The following ZNF732 variants were observed in gnomAD, a reference collection of about 807,000 sequenced individuals.
ZNF732 encodes zinc finger protein 732.
A neutral mutation model predicts 11.5 loss-of-function variants in ZNF732; 12 were observed. The ratio of observed to expected loss-of-function variants is 1.05; its 90% CI spans 0.67 to 1.70. ZNF732 has a LOEUF of 1.70. Among genes scored for constraint, ZNF732 ranks in the 40% most tolerant of loss-of-function variants. The pLI is 0.00. For synonymous variants in ZNF732, 231 were observed against 236.5 expected (o/e 0.98, Z 0.21); for missense variants, 702 against 676.9 (o/e 1.04, Z -0.41).
intron 3 of ZNF732, among the ~76,000 whole-genome samples, chr4:278,270 C>T (rs571155529): frequency 1.3e-5 from 2 of 152,278 alleles, no homozygotes; most frequent in Non-Finnish European, 2.9e-5. Flanking sequence ...CATGGTACCA[C>T]ATCACTGTAT....
rs896135504 is a variant in ZNF732 at position 299,373 on chromosome 4, A to C, written c.4-3218T>G. 1.7e-4 allele frequency among the ~76,000 whole-genome samples: 9 copies of C among 54,050 alleles called. 1 individual carries two copies. The highest frequency in any genetic ancestry group is 5.6e-4 in the African/African-American group (8 of 14,364). The allele number at this position is 54,050 out of a possible 152,430, so 35.5% of individuals were successfully genotyped here. ...TATACACATATATACACATATGTGT[A>C]TATATATATACACATATGTACACAT... On this transcript the variant is annotated intron_variant, in intron 1 of 3. Coordinates refer to ENST00000419098, the MANE Select transcript of ZNF732 (RefSeq NM_001137608.3).
intron 3 of ZNF732, among the ~76,000 whole-genome samples, chr4:285,389 T>C (rs782384523): frequency 7.2e-5 from 11 of 152,122 alleles, no homozygotes; most frequent in Non-Finnish European, 1.3e-4. Flanking sequence ...CTGGTGCAGA[T>C]TGAAGATCTG....
Position 271,524 on chromosome 4 carries a change from G to A in ZNF732, c.1333C>T (p.Pro445Ser), listed in dbSNP as rs782236186. The stretch of plus-strand genomic sequence containing the variant: ...TTGCCACACTCTTCACATTTGTAAG[G>A]TTTCTCTCCAGTATGAATTATCTTA... Reference protein sequence around the residue: ...KHKIIHTGEKPYKCEECGKAF... With the variant: ...KHKIIHTGEKSYKCEECGKAF... Residue 445 changes from proline to serine, a missense_variant, in exon 4 of 4, where the codon CCT (proline) becomes TCT (serine). Around this residue, in one of 3 missense-constraint regions of ZNF732, gnomAD observed 596 missense variants for 557.9 expected, o/e 1.07. Coordinates refer to ENST00000419098, the MANE Select transcript of ZNF732 (RefSeq NM_001137608.3). 4.3e-6 allele frequency: 7 copies of A among 1,611,314 alleles called. No homozygotes were observed. Among genetic ancestry groups the A allele is most frequent in the African/African-American group, 2.7e-5 (2 of 74,810 alleles).
At chr4:276,076 T>C (rs953503309) in intron 3 of ZNF732, among the ~76,000 whole-genome samples, 2 of 151,774 alleles carry the variant, frequency 1.3e-5, no homozygotes, top group Admixed American at 6.6e-5. Context: ...GGTATGAGTT[T>C]TGGAAATTAT....
chr4:283,996 C>T (rs1230001245), intron 3 of ZNF732, among the ~76,000 whole-genome samples: 5 of 152,030 alleles, frequency 3.3e-5, no homozygotes, highest in African/African-American at 1.2e-4. Context: ...CTGCAAGTTC[C>T]GCCTCCAGGG....
At chr4:301,533 C>G (rs1025965255) in intron 1 of ZNF732, among the ~76,000 whole-genome samples, 1 of 152,212 alleles carries the variant, frequency 6.6e-6, no homozygotes, top group Non-Finnish European at 1.5e-5. Flanking sequence ...GAATACTATG[C>G]AGCCATAAAA....
At position 299,408 on chromosome 4, in the gene ZNF732, T is replaced by TATATACAC. The variant is rs1553843129; in HGVS notation, c.4-3254_4-3253insGTGTATAT. ...ACACATATGTACACATATGTGTATA[T>TATATACAC]ATATATACACATATATACACATATG... is the stretch of plus-strand genomic sequence containing the variant. On this transcript the variant is annotated intron_variant, in intron 1 of 3. Coordinates refer to ENST00000419098, the MANE Select transcript of ZNF732 (RefSeq NM_001137608.3). 6.9e-3 allele frequency among the ~76,000 whole-genome samples: 464 copies of TATATACAC among 67,534 alleles called. 46 individuals are homozygous for TATATACAC. Among genetic ancestry groups the TATATACAC allele is most frequent in the Middle Eastern group, 0.017 (3 of 174 alleles). The allele number at this position is 67,534 out of a possible 152,430, so 44.3% of individuals were successfully genotyped here. A position where few individuals can be genotyped will look rare whatever the true frequency, so the allele number is the denominator to read the frequency against.
At chr4:295,937 A>G (rs1369583148) in intron 2 of ZNF732, 92 bp downstream of exon 2, 1 of 1,451,364 alleles carries the variant, frequency 6.9e-7, no homozygotes, top group African/African-American at 1.5e-5. Context: ...AAATTCACAC[A>G]AAGCAGAAGG....
In ZNF732 at chr4:271,056, G is replaced by T; in HGVS notation, c.*43C>A. 1 of 1,404,622 alleles carries T rather than the reference G, an allele frequency of 7.1e-7. No homozygotes were observed. Among genetic ancestry groups the T allele is most frequent in the Non-Finnish European group, 9.6e-7 (1 of 1,045,736 alleles). The allele number at this position is 1,404,622 out of a possible 1,614,324, so 87.0% of individuals were successfully genotyped here. A position where few individuals can be genotyped will look rare whatever the true frequency, so the allele number is the denominator to read the frequency against. On this transcript the variant is annotated 3_prime_UTR_variant, in exon 4 of 4. Transcript: ENST00000419098. Reference sequence around the variant, plus strand: ...GTATAAATTTTCTTATGTTCATTCAGGTTTGTGGATCATCCAAAGGCTTTG... The same window carrying T: ...GTATAAATTTTCTTATGTTCATTCATGTTTGTGGATCATCCAAAGGCTTTG...
chr4:305,360 C>T lies in ZNF732; in HGVS notation c.-50G>A. 6.2e-7 allele frequency: 1 copy of T among 1,606,094 alleles called. No homozygotes were observed. ...AGTCTCAGCTACGAATCATCCAATA[C>T]CCGCAGGTCACAGAGCGACGGAGGC... On this transcript the variant is annotated 5_prime_UTR_variant, in exon 1 of 4. Transcript: ENST00000419098.
rs183718687 is a variant in ZNF732, at chr4:277,450, G to C, written c.227-4820C>G. Among the ~76,000 whole-genome samples, 167 of 151,984 alleles carry C rather than the reference G, an allele frequency of 1.1e-3. 2 individuals carry two copies. The highest frequency in any genetic ancestry group is 2.2e-4 in the Non-Finnish European group (15 of 67,872). On this transcript the variant is annotated intron_variant, in intron 3 of 3. Coordinates refer to ENST00000419098, the MANE Select transcript of ZNF732 (RefSeq NM_001137608.3). ...AAAAATAACACACAATTTAAACATA[G>C]GCAAGAGGCCTTAAGAGACATTTTT...
intron 1 of ZNF732, among the ~76,000 whole-genome samples, chr4:299,636 A>G (rs1307786074): frequency 7.1e-6 from 1 of 141,698 alleles, no homozygotes; most frequent in Non-Finnish European, 1.5e-5. Flanking sequence ...ATTTGTATAT[A>G]TTTATATATT....
chr4:274,391 A>G (rs1208479328), intron 3 of ZNF732, among the ~76,000 whole-genome samples: 1 of 151,432 alleles, frequency 6.6e-6, no homozygotes, highest in Non-Finnish European at 1.5e-5. Context: ...GTATAGATAC[A>G]CCAAAAAATA....
intron 3 of ZNF732, among the ~76,000 whole-genome samples, chr4:277,867 G>C (rs1719533309): frequency 6.6e-6 from 1 of 151,968 alleles, no homozygotes; most frequent in African/African-American, 2.4e-5. Context: ...ACATACGTTA[G>C]TCCTATTTTG....
chr4:272,654 T>C (rs1719414911), intron 3 of ZNF732, 24 bp from the exon 4 acceptor site: 4 of 1,475,828 alleles, frequency 2.7e-6, no homozygotes, highest in Non-Finnish European at 3.6e-6. Flanking sequence ...AAATAAATTA[T>C]CCTGCTTACT....
Position 305,332 on chromosome 4 carries a change from C to G in ZNF732, c.-22G>C. The G allele has an allele frequency of 6.2e-7, 1 of 1,607,622 alleles. No individual in the cohort carries two copies. Among genetic ancestry groups the G allele is most frequent in the Non-Finnish European group, 8.5e-7 (1 of 1,179,802 alleles). On this transcript the variant is annotated 5_prime_UTR_variant, in exon 1 of 4. Transcript: ENST00000419098. ...CCATTTCCCCACTTCAGGGGTGTAGCGGAGTCTCAGCTACGAATCATCCAA... is the reference window on the plus strand; with the variant it reads ...CCATTTCCCCACTTCAGGGGTGTAGGGGAGTCTCAGCTACGAATCATCCAA...
At chr4:282,794 T>C (rs1380113888) in intron 3 of ZNF732, among the ~76,000 whole-genome samples, 15 of 150,746 alleles carry the variant, frequency 1.0e-4, no homozygotes, top group African/African-American at 3.6e-4. Flanking sequence ...AAAAAAATGT[T>C]GAAGATACAT....
At chr4:279,473 A>ATATTGGTG (rs1560158467) in intron 3 of ZNF732, among the ~76,000 whole-genome samples, 1 of 151,826 alleles carries the variant, frequency 6.6e-6, no homozygotes, top group Non-Finnish European at 1.5e-5. Flanking sequence ...ACCAGACATT[A>ATATTGGTG]TATTATATAA....
intron 3 of ZNF732, among the ~76,000 whole-genome samples, chr4:283,392 G>A (rs1719655616): frequency 6.6e-6 from 1 of 151,950 alleles, no homozygotes; most frequent in Non-Finnish European, 1.5e-5. Context: ...TTAGATTTAA[G>A]GAAATACATA....
Sources: gnomAD v4.1 joint callset for allele counts (sites outside exome capture counted in the v4.1 genomes callset) on GRCh38, gnomAD v4.1.1 for gene constraint, gnomAD v4.1.1 regional missense constraint, MANE v1.5 for transcripts, NCBI Gene and HGNC (gene_info 2026-07-23, HGNC 2026-07-21) for gene names.